Variants in ZC3H13 observed in about 807,000 individuals in gnomAD.
ZC3H13 encodes zinc finger CCCH domain-containing protein 13.
A neutral mutation model predicts 204.1 loss-of-function variants in ZC3H13; 64 were observed. The observed-to-expected ratio is 0.31, with a 90% CI of 0.26 to 0.39. ZC3H13 has a LOEUF of 0.39. Ranked by LOEUF, ZC3H13 falls within the 10% of genes least tolerant of loss-of-function variation. ZC3H13 has a pLI of 1.00. For synonymous variants in ZC3H13, 667 were observed against 693.7 expected (o/e 0.96, Z 0.60); for missense variants, 1,833 against 2,082.7 (o/e 0.88, Z 2.33).
chr13:45,993,729 T>C (rs1319407267), intron 8 of ZC3H13, among the ~76,000 whole-genome samples: 1 of 152,220 alleles, frequency 6.6e-6, no homozygotes, highest in African/African-American at 2.4e-5. Context: ...ACCTAGTAGC[T>C]TGCTATTCTT....
chr13:45,965,084 C>A (rs1235572709), intron 16 of ZC3H13, among the ~76,000 whole-genome samples, 196 bp downstream of exon 16: 1 of 152,068 alleles, frequency 6.6e-6, no homozygotes, highest in Non-Finnish European at 1.5e-5. Flanking sequence ...CTTTCTAATT[C>A]ATAGACAATG....
At chr13:45,990,993 C>T (rs767402017) in intron 8 of ZC3H13, among the ~76,000 whole-genome samples, 22 of 151,980 alleles carry the variant, frequency 1.4e-4, no homozygotes, top group Admixed American at 1.2e-3. Flanking sequence ...TTTATAGAGA[C>T]GAGGTCTCAC....
intron 1 of ZC3H13, among the ~76,000 whole-genome samples, chr13:46,046,097 A>C (rs1332519735): frequency 6.6e-6 from 1 of 152,176 alleles, no homozygotes; most frequent in Non-Finnish European, 1.5e-5. Flanking sequence ...CAATCTGATC[A>C]AGCATATTTA....
At chr13:46,024,566 T>C (rs1356928039) in intron 4 of ZC3H13, among the ~76,000 whole-genome samples, 3 of 152,160 alleles carry the variant, frequency 2.0e-5, no homozygotes, top group Non-Finnish European at 4.4e-5. Context: ...TCTTTCTGTA[T>C]CTAGAGGTTT....
chr13:46,003,417 G>T, intron 7 of ZC3H13, 81 bp from the exon 8 acceptor site: 2 of 1,314,218 alleles, frequency 1.5e-6, no homozygotes, highest in Non-Finnish European at 2.1e-6. Flanking sequence ...AAACAGCAGC[G>T]TTCCTTTACA....
chr13:45,976,238 G>C (rs1953037686), intron 11 of ZC3H13: 1 of 985,056 alleles, frequency 1.0e-6, no homozygotes. Flanking sequence ...CAAAGGATAG[G>C]GGCAGCAGGA....
At chr13:45,999,577 T>G (rs1324165313) in intron 8 of ZC3H13, among the ~76,000 whole-genome samples, 1 of 152,252 alleles carries the variant, frequency 6.6e-6, no homozygotes, top group African/African-American at 2.4e-5. Flanking sequence ...CTCTTGCTAT[T>G]TCCACCACAT....
At chr13:46,021,258 T>C (rs909686798) in intron 4 of ZC3H13, among the ~76,000 whole-genome samples, 1 of 151,990 alleles carries the variant, frequency 6.6e-6, no homozygotes. Flanking sequence ...ATTCCAGGTA[T>C]AAAAGCAGCT....
At chr13:45,959,781 G>T in intron 17 of ZC3H13, 135 bp from the exon 18 acceptor site, 1 of 1,000,652 alleles carries the variant, frequency 1.0e-6, no homozygotes, top group Non-Finnish European at 1.4e-6. Flanking sequence ...CACATTAAAG[G>T]CAATATATTC....
At chr13:46,021,893 T>C (rs1376370937) in intron 4 of ZC3H13, among the ~76,000 whole-genome samples, 1 of 151,938 alleles carries the variant, frequency 6.6e-6, no homozygotes, top group African/African-American at 2.4e-5. Flanking sequence ...CCACTGTAAA[T>C]ATACATTACT....
intron 8 of ZC3H13, among the ~76,000 whole-genome samples, chr13:45,993,281 T>C (rs2040094906): frequency 6.6e-6 from 1 of 152,234 alleles, no homozygotes; most frequent in South Asian, 2.1e-4. Flanking sequence ...GTGGCAGGAA[T>C]ACCGGCTATT....
At chr13:45,972,796 A>G (rs1436713424) in intron 12 of ZC3H13, among the ~76,000 whole-genome samples, 2 of 152,196 alleles carry the variant, frequency 1.3e-5, no homozygotes, top group Non-Finnish European at 2.9e-5. Flanking sequence ...ATGTGGTGAA[A>G]GTGACACTGT....
chr13:45,970,809 T>C (rs1952521737), intron 12 of ZC3H13, among the ~76,000 whole-genome samples: 1 of 152,214 alleles, frequency 6.6e-6, no homozygotes, highest in South Asian at 2.1e-4. Context: ...TTCAGCAATT[T>C]TGCATTCTTA....
At chr13:45,992,787 G>C (rs1283739715) in intron 8 of ZC3H13, among the ~76,000 whole-genome samples, 2 of 152,122 alleles carry the variant, frequency 1.3e-5, no homozygotes, top group African/African-American at 4.8e-5. Context: ...CTGAGGGCCT[G>C]AACAGAACAA....
chr13:46,006,779 T>C (rs1251755716), intron 7 of ZC3H13, among the ~76,000 whole-genome samples: 1 of 137,360 alleles, frequency 7.3e-6, no homozygotes, highest in Non-Finnish European at 1.6e-5. Context: ...ACTTGACTCA[T>C]AGCATTGAGA....
At chr13:46,029,492 G>A (rs913851490) in intron 4 of ZC3H13, among the ~76,000 whole-genome samples, 7 of 146,706 alleles carry the variant, frequency 4.8e-5, no homozygotes, top group African/African-American at 2.5e-5. Context: ...GCAGTGGCGC[G>A]ATCTCGGCTC....
At position 46,052,452 on chromosome 13, in the gene ZC3H13, G is replaced by A. The variant is rs2044544108; in HGVS notation, c.-58C>T. The A allele has an allele frequency of 2.5e-6, 1 of 398,108 alleles. No individual in the cohort carries two copies. The highest frequency in any genetic ancestry group is 1.3e-4 in the South Asian group (1 of 7,712). The allele number at this position is 398,108 out of a possible 1,614,324, so 24.7% of individuals were successfully genotyped here. A position where few individuals can be genotyped will look rare whatever the true frequency, so the allele number is the denominator to read the frequency against. ...AGTGCAGTCCGGAGGCACCACCGCC[G>A]CCGCCGCTCCGAGGAGCGGGGGAGG... On this transcript the variant is annotated 5_prime_UTR_variant, in exon 1 of 19. Transcript: ENST00000679008.
At chr13:46,028,818 A>G (rs1053921638) in intron 4 of ZC3H13, among the ~76,000 whole-genome samples, 14 of 152,164 alleles carry the variant, frequency 9.2e-5, no homozygotes, top group Non-Finnish European at 2.1e-4. Flanking sequence ...ACCCAAAGAG[A>G]TATTTATAGC....
chr13:45,979,324 T>C (rs1160689895), intron 11 of ZC3H13, among the ~76,000 whole-genome samples: 3 of 152,084 alleles, frequency 2.0e-5, no homozygotes. Flanking sequence ...AAATACCATA[T>C]CTTCTCAGGA....
Sources: allele counts gnomAD v4.1 joint callset (sites outside exome capture counted in the v4.1 genomes callset), GRCh38; gene constraint gnomAD v4.1.1; transcripts MANE v1.5; gene names NCBI Gene and HGNC (gene_info 2026-07-23, HGNC 2026-07-21).